ELMO2: variants seen among roughly 807,000 people sequenced by gnomAD.
ELMO2 encodes engulfment and cell motility 2.
In ELMO2, 37 loss-of-function variants were observed where a neutral mutation model predicts 96.2. That is an observed-to-expected ratio of 0.38 (90% confidence interval 0.30 to 0.51). The LOEUF (loss-of-function observed/expected upper bound fraction) is 0.51. Among genes scored for constraint, ELMO2 ranks in the 20% least tolerant of loss-of-function variants. The pLI, the probability that ELMO2 is intolerant of heterozygous loss-of-function variation, is 0.88. For missense variants in ELMO2, 561 were observed against 912.6 expected (o/e 0.61, Z 4.96); for synonymous variants, 315 against 329.4 (o/e 0.96, Z 0.47).
At chr20:46,403,772 T>C (rs2060374360) in intron 1 of ELMO2, among the ~76,000 whole-genome samples, 1 of 152,198 alleles carries the variant, frequency 6.6e-6, no homozygotes, top group African/African-American at 2.4e-5. Flanking sequence ...TGGTAGATAC[T>C]CAGTGAGCAA....
At chr20:46,373,997 A>G (rs963964276) in intron 15 of ELMO2, among the ~76,000 whole-genome samples, 10 of 141,908 alleles carry the variant, frequency 7.0e-5, no homozygotes. Flanking sequence ...TGGCATGACT[A>G]TGCTCACCAT....
intron 10 of ELMO2, 38 bp downstream of exon 10, chr20:46,383,378 A>G: frequency 6.3e-7 from 1 of 1,582,208 alleles, no homozygotes; most frequent in East Asian, 2.2e-5. Flanking sequence ...TTATCTCAGA[A>G]GAGCCCAGAT....
chr20:46,396,451 A>G (rs1303216714), intron 2 of ELMO2, among the ~76,000 whole-genome samples: 1 of 152,186 alleles, frequency 6.6e-6, no homozygotes, highest in Non-Finnish European at 1.5e-5. Flanking sequence ...ATACACATGC[A>G]TCTCCCTGTA....
intron 10 of ELMO2, chr20:46,382,328 A>G: frequency 1.6e-6 from 2 of 1,225,018 alleles, no homozygotes; most frequent in Non-Finnish European, 2.1e-6. Flanking sequence ...AGGCAGATTA[A>G]CAGAGCCAAG....
At chr20:46,376,296 G>C (rs2059858113) in intron 11 of ELMO2, among the ~76,000 whole-genome samples, 1 of 152,114 alleles carries the variant, frequency 6.6e-6, no homozygotes, top group African/African-American at 2.4e-5. Flanking sequence ...CACAAAGGAG[G>C]AACAGTTCAC....
intron 6 of ELMO2, 83 bp from the exon 7 acceptor site, chr20:46,389,303 G>A (rs1251715163): frequency 3.4e-5 from 48 of 1,424,494 alleles, no homozygotes; most frequent in Non-Finnish European, 4.3e-5. Flanking sequence ...AGGCCCTTCT[G>A]TGGACATCCA....
At chr20:46,405,143 T>C (rs930338827) in intron 1 of ELMO2, among the ~76,000 whole-genome samples, 1 of 152,154 alleles carries the variant, frequency 6.6e-6, no homozygotes. Context: ...GACCTTACAA[T>C]CTGGTGGGAT....
intron 9 of ELMO2, 79 bp downstream of exon 9, chr20:46,386,045 T>G: frequency 6.8e-7 from 1 of 1,474,140 alleles, no homozygotes; most frequent in Non-Finnish European, 9.2e-7. Flanking sequence ...CAAAGGAGAG[T>G]AGGATTGGAA....
In ELMO2 at chr20:46,375,266, G is replaced by A; in HGVS notation, c.1035C>T (p.Tyr345=). 3 of 1,614,122 alleles carry A rather than the reference G, an allele frequency of 1.9e-6. No homozygotes were observed. The highest frequency in any genetic ancestry group is 2.5e-6 in the Non-Finnish European group (3 of 1,180,030). The change falls in exon 13 of 22, where the codon TAC becomes TAT. Residue 345 remains tyrosine, a synonymous_variant. Coordinates refer to ENST00000290246, the MANE Select transcript of ELMO2 (RefSeq NM_133171.5). The surrounding 1 kb of genome is among the most constrained non-coding windows in gnomAD (Gnocchi z 4.6). The part of the protein sequence containing the change: ...GSGTEKRKAM[Y]TKDYKMLGFT... ...ATCCCAGCATTTTGTAGTCCTTTGTGTACATGGCTTTGCGTTTTTCGGTCC... is the reference window on the plus strand; with the variant it reads ...ATCCCAGCATTTTGTAGTCCTTTGTATACATGGCTTTGCGTTTTTCGGTCC...
intron 20 of ELMO2, 53 bp from the exon 21 acceptor site, chr20:46,369,021 A>G (rs2059641291): frequency 6.4e-7 from 1 of 1,566,338 alleles, no homozygotes; most frequent in African/African-American, 1.4e-5. Context: ...GGGTCTGCAC[A>G]TCAAGATCTT....
Position 46,376,583 on chromosome 20 carries a change from T to G in ELMO2, c.808-793A>C, listed in dbSNP as rs1330463245. 3 of 1,270,950 alleles carry G rather than the reference T, an allele frequency of 2.4e-6. No homozygotes were observed. In the African/African-American group the frequency reaches 4.6e-5, roughly 19 times the overall value. The allele number at this position is 1,270,950 out of a possible 1,614,324, so 78.7% of individuals were successfully genotyped here. A position where few individuals can be genotyped will look rare whatever the true frequency, so the allele number is the denominator to read the frequency against. ...CTCTTGCATGCTATGTCTCCCTCGG[T>G]CTGTCCTAGCTGATCAACCCTTGAT... is the stretch of plus-strand genomic sequence containing the variant. On this transcript the variant is annotated intron_variant, in intron 11 of 21. Coordinates refer to ENST00000290246, the MANE Select transcript of ELMO2 (RefSeq NM_133171.5).
chr20:46,393,929 A>G, intron 4 of ELMO2, 120 bp downstream of exon 4: 2 of 1,329,274 alleles, frequency 1.5e-6, no homozygotes, highest in Non-Finnish European at 2.1e-6. Flanking sequence ...AATGATTCCC[A>G]AGACCCCCAT....
chr20:46,387,109 T>G (rs1266765016), intron 8 of ELMO2, among the ~76,000 whole-genome samples: 1 of 152,190 alleles, frequency 6.6e-6, no homozygotes, highest in Non-Finnish European at 1.5e-5. Context: ...TCTACTTTGA[T>G]CATATTTAGT....
chr20:46,397,830 C>A (rs1430625860), intron 2 of ELMO2, among the ~76,000 whole-genome samples: 1 of 152,110 alleles, frequency 6.6e-6, no homozygotes, highest in Non-Finnish European at 1.5e-5. Context: ...GAATAAAAAA[C>A]CAAGAGCCTT....
At chr20:46,387,555 G>A (rs575182622) in intron 7 of ELMO2, 118 bp from the exon 8 acceptor site, 76 of 659,260 alleles carry the variant, frequency 1.2e-4, no homozygotes, top group African/African-American at 7.9e-4. Flanking sequence ...GAAATCAGTC[G>A]ATGCAACTGT....
chr20:46,393,213 C>G, intron 5 of ELMO2, 70 bp from the exon 6 acceptor site: 1 of 1,466,716 alleles, frequency 6.8e-7, no homozygotes, highest in Non-Finnish European at 9.5e-7. Flanking sequence ...CAAGTTGAAT[C>G]AACAATAATG....
intron 2 of ELMO2, 111 bp from the exon 3 acceptor site, chr20:46,394,643 C>T: frequency 2.5e-6 from 2 of 790,802 alleles, no homozygotes; most frequent in Non-Finnish European, 4.0e-6. Context: ...ACACATGAAA[C>T]TACCTGGTTT....
At position 46,375,600 on chromosome 20, in the gene ELMO2, C is replaced by T. The variant is rs2088289879; in HGVS notation, c.930+68G>A. Reference sequence around the variant, plus strand: ...TGCAGACAAAGACCAAGCACAGTGCCTGGCACATAGACTAAGGCTGGACTG... The same window carrying T: ...TGCAGACAAAGACCAAGCACAGTGCTTGGCACATAGACTAAGGCTGGACTG... On this transcript the variant is annotated intron_variant, in intron 12 of 21. Transcript: ENST00000290246. The surrounding 1 kb of genome is among the most constrained non-coding windows in gnomAD (Gnocchi z 4.6). The T allele has an allele frequency of 2.5e-6, 4 of 1,605,102 alleles. No homozygotes were observed. The highest frequency in any genetic ancestry group is 1.3e-5 in the African/African-American group (1 of 74,742).
At chr20:46,370,806 T>G (rs1344450685) in intron 19 of ELMO2, among the ~76,000 whole-genome samples, 2 of 152,174 alleles carry the variant, frequency 1.3e-5, no homozygotes, top group Non-Finnish European at 2.9e-5. Context: ...GAACGGGACC[T>G]TGGTGACTCC....
Sources: gnomAD v4.1 joint callset for allele counts (sites outside exome capture counted in the v4.1 genomes callset) on GRCh38, gnomAD v4.1.1 for gene constraint, Gnocchi (gnomAD v3.1) non-coding constraint, MANE v1.5 for transcripts, NCBI Gene and HGNC (gene_info 2026-07-23, HGNC 2026-07-21) for gene names.